MET: variants seen among roughly 807,000 people sequenced by gnomAD.
MET encodes the protein MET proto-oncogene, receptor tyrosine kinase, also known as hepatocyte growth factor receptor.
MET carries 48 observed loss-of-function variants against 133.1 expected under a neutral mutation model. The ratio of observed to expected loss-of-function variants is 0.36; its 90% confidence interval spans 0.29 to 0.46. The LOEUF (loss-of-function observed/expected upper bound fraction) is 0.46. Among genes scored for constraint, MET ranks in the 20% least tolerant of loss-of-function variants. MET has a pLI of 1.00. For synonymous variants in MET, 628 were observed against 616.5 expected (o/e 1.02, Z -0.28); for missense variants, 1,442 against 1,695.9 (o/e 0.85, Z 2.63).
intron 1 of MET, among the ~76,000 whole-genome samples, chr7:116,690,458 T>C (rs1353170333): frequency 3.3e-5 from 5 of 152,244 alleles, no homozygotes; most frequent in Admixed American, 6.5e-5. Context: ...AATGTGATTA[T>C]ACCAAAGAGC....
At chr7:116,706,802 C>T (rs1791811459) in intron 2 of MET, among the ~76,000 whole-genome samples, 1 of 151,958 alleles carries the variant, frequency 6.6e-6, no homozygotes, top group Admixed American at 6.6e-5. Context: ...TCTCCAGCGT[C>T]CAGGGAGGAC....
intron 3 of MET, among the ~76,000 whole-genome samples, chr7:116,732,437 T>G (rs1320300297): frequency 6.6e-6 from 1 of 152,250 alleles, no homozygotes; most frequent in East Asian, 1.9e-4. Context: ...ACAGTATTTC[T>G]GTACAACAAA....
chr7:116,740,654 C>G (rs1793408697), intron 4 of MET, among the ~76,000 whole-genome samples, 198 bp from the exon 5 acceptor site: 1 of 152,196 alleles, frequency 6.6e-6, no homozygotes, highest in South Asian at 2.1e-4. Context: ...TTTCACATAC[C>G]TGCTAACAAT....
At chr7:116,755,045 G>GAAAGAAAGAAAGA (rs1562920036) in intron 5 of MET, among the ~76,000 whole-genome samples, 15 of 144,450 alleles carry the variant, frequency 1.0e-4, no homozygotes, top group Non-Finnish European at 2.0e-4. Flanking sequence ...AGAAAGAAAA[G>GAAAGAAAGAAAGA]AAAGAAAGAA....
At chr7:116,674,986 C>T (rs773835378) in intron 1 of MET, among the ~76,000 whole-genome samples, 11 of 152,176 alleles carry the variant, frequency 7.2e-5, no homozygotes, top group Non-Finnish European at 1.2e-4. Context: ...CTCAAGTGTC[C>T]GGAAGTGAGC....
intron 5 of MET, among the ~76,000 whole-genome samples, chr7:116,746,454 C>T (rs186698354): frequency 3.1e-4 from 47 of 152,324 alleles, no homozygotes; most frequent in Middle Eastern, 6.8e-3. Flanking sequence ...GATTATAAAG[C>T]ATGCTGCTGT....
chr7:116,696,062 G>A (rs141821960), intron 1 of MET, among the ~76,000 whole-genome samples: 43 of 152,134 alleles, frequency 2.8e-4, no homozygotes, highest in African/African-American at 9.9e-4. Context: ...AGAGATGGGG[G>A]TTCACAGTGT....
In MET at chr7:116,740,023, A is replaced by C; in HGVS notation, c.1466A>C (p.Glu489Ala). 2 of 1,614,146 alleles carry C rather than the reference A, an allele frequency of 1.2e-6. No individual in the cohort carries two copies. The highest frequency in any genetic ancestry group is 1.7e-6 in the Non-Finnish European group (2 of 1,180,004). Residue 489 changes from glutamate to alanine, a missense_variant, in exon 4 of 21, where the codon GAA becomes GCA. By Grantham distance (107) the Glu-to-Ala change is moderately radical (BLOSUM62 -1). Around this residue, in one of 6 missense-constraint regions of MET, gnomAD observed 762 missense variants for 792.4 expected, o/e 0.96. Coordinates refer to ENST00000397752, the MANE Select transcript of MET (RefSeq NM_000245.4). ...CTGGACTCCCATCCAGTGTCTCCAG[A>C]AGTGATTGTGGAGCATACATTAAAC... ...FLLDSHPVSP[E>A]VIVEHTLNQN...
chr7:116,778,352 C>T (rs1292479477), intron 16 of MET, among the ~76,000 whole-genome samples: 3 of 152,156 alleles, frequency 2.0e-5, no homozygotes, highest in African/African-American at 4.8e-5. Context: ...TTTAAGTGCA[C>T]AAATGAAAGA....
intron 5 of MET, among the ~76,000 whole-genome samples, chr7:116,751,372 T>C (rs1793912647): frequency 6.6e-6 from 1 of 151,994 alleles, no homozygotes; most frequent in Non-Finnish European, 1.5e-5. Context: ...AGTTGAACCA[T>C]GAGAACACAT....
chr7:116,675,431 A>T (rs532646177), intron 1 of MET, among the ~76,000 whole-genome samples: 12 of 152,228 alleles, frequency 7.9e-5, no homozygotes, highest in East Asian at 3.9e-4. Flanking sequence ...ATTTTTTTTT[A>T]AAAATCAAAG....
At chr7:116,738,736 A>G (rs1417616796) in intron 3 of MET, among the ~76,000 whole-genome samples, 1 of 152,192 alleles carries the variant, frequency 6.6e-6, no homozygotes, top group Non-Finnish European at 1.5e-5. Flanking sequence ...TTGCTTCAGG[A>G]TACTTGGCTC....
rs145626474 is a variant in MET at position 116,746,383 on chromosome 7, G to A, written c.1701+5358G>A. ...GGAAGACAGTGTGGTGATTCCTTAG[G>A]GATCTAGAACTAGAAATACCATTTG... is the stretch of plus-strand genomic sequence containing the variant. On this transcript the variant is annotated intron_variant, in intron 5 of 20. Transcript: ENST00000397752. Among the ~76,000 whole-genome samples, 1,229 of 152,256 alleles carry A rather than the reference G, an allele frequency of 8.1e-3. 6 individuals carry two copies. Among genetic ancestry groups the A allele is most frequent in the Non-Finnish European group, 0.013 (905 of 68,014 alleles).
chr7:116,754,936 AAAG>A (rs1794087461), intron 5 of MET, among the ~76,000 whole-genome samples: 2 of 139,384 alleles, frequency 1.4e-5, no homozygotes, highest in African/African-American at 2.5e-5. Context: ...AGAAAGAAAG[AAAG>A]AAAGAAAGAA....
At chr7:116,747,028 T>A (rs1007063343) in intron 5 of MET, among the ~76,000 whole-genome samples, 15 of 152,144 alleles carry the variant, frequency 9.9e-5, no homozygotes, top group Non-Finnish European at 1.8e-4. Context: ...GAATTTCATA[T>A]CCAGCCAAAC....
chr7:116,715,919 A>G (rs1035496340), intron 2 of MET, among the ~76,000 whole-genome samples: 4 of 152,160 alleles, frequency 2.6e-5, no homozygotes, highest in Admixed American at 2.0e-4. Context: ...AGATTGTAGG[A>G]GGCCATGTAG....
intron 11 of MET, among the ~76,000 whole-genome samples, chr7:116,769,021 A>C (rs1794739368): frequency 6.6e-6 from 1 of 152,190 alleles, no homozygotes. Context: ...ATCTCACATA[A>C]ATTTCTTTTA....
chr7:116,772,197 C>T (rs745564729), intron 14 of MET, among the ~76,000 whole-genome samples: 4 of 152,086 alleles, frequency 2.6e-5, no homozygotes, highest in Non-Finnish European at 4.4e-5. Flanking sequence ...TTTTAGAGTC[C>T]ATAAGCTCTC....
chr7:116,769,140 G>A (rs1794743434), intron 11 of MET, among the ~76,000 whole-genome samples: 1 of 152,184 alleles, frequency 6.6e-6, no homozygotes, highest in South Asian at 2.1e-4. Flanking sequence ...ATAATACAGT[G>A]TTAATACATT....
Sources: allele counts gnomAD v4.1 joint callset (sites outside exome capture counted in the v4.1 genomes callset), GRCh38; gene constraint gnomAD v4.1.1; regional missense constraint gnomAD v4.1.1; transcripts MANE v1.5; gene names NCBI Gene and HGNC (gene_info 2026-07-23, HGNC 2026-07-21).